The following TNFRSF14 variants were observed in gnomAD, a reference collection of about 807,000 sequenced individuals.
TNFRSF14 encodes TNF receptor superfamily member 14.
A neutral mutation model predicts 34.1 loss-of-function variants in TNFRSF14; 18 were observed. The observed-to-expected ratio is 0.53, with a 90% CI of 0.36 to 0.78. The LOEUF (loss-of-function observed/expected upper bound fraction) is 0.78. Among genes scored for constraint, TNFRSF14 ranks in the 30% least tolerant of loss-of-function variants. The pLI is 0.00. For missense variants in TNFRSF14, 352 were observed against 379.5 expected (o/e 0.93, Z 0.60); for synonymous variants, 157 against 153.2 (o/e 1.02, Z -0.18).
chr1:2,561,354 C>A lies in TNFRSF14; in HGVS notation c.552-319C>A. 1 of 763,154 alleles carries A rather than the reference C, an allele frequency of 1.3e-6. No individual in the cohort carries two copies. The highest frequency in any genetic ancestry group is 2.1e-6 in the Non-Finnish European group (1 of 478,578). 47.3% of individuals were successfully genotyped at this position (763,154 alleles called of 1,614,324 possible). ...CCCTCTACCTTCTGTCCTTGTCTGC[C>A]ACTGGTCTCCCGTGCTCTGGGGTCT... On this transcript the variant is annotated intron_variant, in intron 5 of 7. Coordinates refer to ENST00000355716, the MANE Select transcript of TNFRSF14 (RefSeq NM_003820.4). This position sits in a 1 kb window ranked among gnomAD's most constrained non-coding sequence, Gnocchi z 6.0.
intron 4 of TNFRSF14, 58 bp from the exon 5 acceptor site, chr1:2,560,566 G>A (rs545324789): frequency 9.4e-6 from 13 of 1,378,918 alleles, no homozygotes; most frequent in East Asian, 2.3e-5. Flanking sequence ...GTCCCTAGCC[G>A]CCAGCCCCCT....
At position 2,561,352 on chromosome 1, in the gene TNFRSF14, G is replaced by A; in HGVS notation, c.552-321G>A. ...CTCCCTCTACCTTCTGTCCTTGTCT[G>A]CCACTGGTCTCCCGTGCTCTGGGGT... On this transcript the variant is annotated intron_variant, in intron 5 of 7. Transcript: ENST00000355716. The surrounding 1 kb of genome is among the most constrained non-coding windows in gnomAD (Gnocchi z 6.0). 1 of 750,416 alleles carries A rather than the reference G, an allele frequency of 1.3e-6. No homozygotes were observed. Among genetic ancestry groups the A allele is most frequent in the South Asian group, 2.0e-5 (1 of 49,742 alleles). The allele number at this position is 750,416 out of a possible 1,614,324, so 46.5% of individuals were successfully genotyped here. A position where few individuals can be genotyped will look rare whatever the true frequency, so the allele number is the denominator to read the frequency against.
In TNFRSF14 at chr1:2,558,402, C is replaced by G. The variant is rs1557476162; in HGVS notation, c.238C>G (p.Pro80Ala). 1 of 1,613,408 alleles carries G rather than the reference C, an allele frequency of 6.2e-7. No homozygotes were observed. The highest frequency in any genetic ancestry group is 8.5e-7 in the Non-Finnish European group (1 of 1,179,796). ...LTGTVCEPCP[P>A]GTYIAHLNGL... Reference sequence around the variant, plus strand: ...GGGCACAGTGTGTGAACCCTGCCCTCCAGGCACCTACATTGCCCACCTCAA... The same window carrying G: ...GGGCACAGTGTGTGAACCCTGCCCTGCAGGCACCTACATTGCCCACCTCAA... Residue 80 changes from proline to alanine, a missense_variant, in exon 3 of 8, where the codon CCA becomes GCA. Coordinates refer to ENST00000355716, the MANE Select transcript of TNFRSF14 (RefSeq NM_003820.4).
intron 4 of TNFRSF14, 53 bp from the exon 5 acceptor site, chr1:2,560,571 C>G: frequency 7.1e-7 from 1 of 1,418,164 alleles, no homozygotes. Flanking sequence ...TAGCCGCCAG[C>G]CCCCTCCTGG....
intron 5 of TNFRSF14, chr1:2,560,926 GATCTGAGCTTCCTGGA>G: frequency 1.8e-6 from 1 of 552,786 alleles, no homozygotes; most frequent in Non-Finnish European, 3.2e-6. Context: ...AGCCTCATCA[GATCTGAGCTTCCTGGA>G]GGCTCAGGAT....
intron 5 of TNFRSF14, 49 bp downstream of exon 5, chr1:2,560,763 C>T (rs199899529): frequency 1.6e-4 from 255 of 1,557,392 alleles, no homozygotes; most frequent in Middle Eastern, 1.3e-3. Context: ...GGAGGGGGCT[C>T]CACGTTGCTT....
chr1:2,556,721 C>T lies in TNFRSF14; in HGVS notation c.57C>T (p.Asp19=), dbSNP rs562870154. The T allele has an allele frequency of 4.1e-5, 65 of 1,602,248 alleles. No individual in the cohort carries two copies. The highest frequency in any genetic ancestry group is 5.4e-5 in the African/African-American group (4 of 74,578). ...CCTGGAGATCCACCCCCAAAACCGA[C>T]GTCTTGAGGCTGGTGAGCCCCCGAG... is the stretch of plus-strand genomic sequence containing the variant. ...PPPWRSTPKT[D]VLRLVLYLTF... The change falls in exon 1 of 8, where the codon GAC becomes GAT. Residue 19 remains aspartate, a synonymous_variant. Transcript: ENST00000355716.
upstream of TNFRSF14, chr1:2,555,952 C>A (rs544916719): frequency 4.3e-4 from 84 of 196,004 alleles, no homozygotes; most frequent in Non-Finnish European, 8.1e-4. The surrounding 1 kb of genome is among the most constrained non-coding windows in gnomAD (Gnocchi z 6.3). Context: ...GGAGACCGGG[C>A]GAGGCTGGCA....
upstream of TNFRSF14, chr1:2,556,191 C>A: frequency 2.4e-6 from 1 of 420,050 alleles, no homozygotes; most frequent in Non-Finnish European, 4.6e-6. Flanking sequence ...ACCCACAGGG[C>A]CCCTTTATTC....
At chr1:2,558,982 T>G (rs1225558438) in intron 3 of TNFRSF14, 1 of 1,366,076 alleles carries the variant, frequency 7.3e-7, no homozygotes, top group Non-Finnish European at 9.7e-7. Context: ...AGAGGTGGCC[T>G]TTGAGTCACT....
intron 7 of TNFRSF14, 80 bp from the exon 8 acceptor site, chr1:2,563,068 A>G: frequency 6.3e-7 from 1 of 1,599,090 alleles, no homozygotes; most frequent in Non-Finnish European, 8.5e-7. Context: ...CTCAAACTGA[A>G]AGCAGTAAAA....
upstream of TNFRSF14, chr1:2,555,760 G>T (rs960982906): frequency 6.5e-6 from 1 of 153,084 alleles, no homozygotes; most frequent in East Asian, 1.9e-4. The surrounding 1 kb of genome is among the most constrained non-coding windows in gnomAD (Gnocchi z 6.3). Context: ...GGGTCACGAG[G>T]TTCCATGTGA....
chr1:2,559,854 C>G lies in TNFRSF14; in HGVS notation c.336C>G (p.Ser112=), dbSNP rs759896022. Residue 112 remains serine, a synonymous_variant, in exon 4 of 8, where the codon TCC becomes TCG. Transcript: ENST00000355716. ...AMGLRASRNC[S]RTENAVCGCS... is the part of the protein sequence containing the mutation. ...GCCTGCGCGCGAGCCGGAACTGCTCCAGGACAGAGAACGCCGTGTGTGGCT... is the reference window on the plus strand; with the variant it reads ...GCCTGCGCGCGAGCCGGAACTGCTCGAGGACAGAGAACGCCGTGTGTGGCT... 1 of 1,608,474 alleles carries G rather than the reference C, an allele frequency of 6.2e-7. No homozygotes were observed. Among genetic ancestry groups the G allele is most frequent in the Non-Finnish European group, 8.5e-7 (1 of 1,178,076 alleles).
chr1:2,562,548 C>T, intron 6 of TNFRSF14: 1 of 530,208 alleles, frequency 1.9e-6, no homozygotes, highest in South Asian at 2.1e-5. Flanking sequence ...AGGGCCTCTC[C>T]ACTGTGAAGC....
chr1:2,559,869 C>T lies in TNFRSF14; in HGVS notation c.351C>T (p.Ala117=), dbSNP rs145255405. The part of the protein sequence containing the change: ...ASRNCSRTEN[A]VCGCSPGHFC... ...GGAACTGCTCCAGGACAGAGAACGC[C>T]GTGTGTGGCTGCAGCCCAGGCCACT... is the stretch of plus-strand genomic sequence containing the variant. The change falls in exon 4 of 8, where the codon GCC becomes GCT. Residue 117 remains alanine (A), a synonymous_variant. Coordinates refer to ENST00000355716, the MANE Select transcript of TNFRSF14 (RefSeq NM_003820.4). The T allele has an allele frequency of 9.8e-5, 157 of 1,606,438 alleles. No individual in the cohort carries two copies. The highest frequency in any genetic ancestry group is 1.9e-4 in the Admixed American group (11 of 59,264).
At position 2,561,465 on chromosome 1, in the gene TNFRSF14, C is replaced by T. The variant is rs1644307045; in HGVS notation, c.552-208C>T. On this transcript the variant is annotated intron_variant, in intron 5 of 7. Transcript: ENST00000355716. The surrounding 1 kb of genome is among the most constrained non-coding windows in gnomAD (Gnocchi z 6.0). Reference sequence around the variant, plus strand: ...CCCAGTCTCTCCTTGTTTCTCTTCTCCTCCTTCCTTCTCTCCACCTCCCCA... The same window carrying T: ...CCCAGTCTCTCCTTGTTTCTCTTCTTCTCCTTCCTTCTCTCCACCTCCCCA... 1 of 1,493,746 alleles carries T rather than the reference C, an allele frequency of 6.7e-7. No individual in the cohort carries two copies. Among genetic ancestry groups the T allele is most frequent in the Non-Finnish European group, 9.0e-7 (1 of 1,117,006 alleles). The allele number at this position is 1,493,746 out of a possible 1,614,324, so 92.5% of individuals were successfully genotyped here. A position where few individuals can be genotyped will look rare whatever the true frequency, so the allele number is the denominator to read the frequency against.
Position 2,556,474 on chromosome 1 carries a change from T to G in TNFRSF14, c.-191T>G. On this transcript the variant is annotated 5_prime_UTR_variant, in exon 1 of 8. Transcript: ENST00000355716. ...CACCCAGCAGGCCTGAGCCCCTCTC[T>G]GCTGCCAGACACCCCCTGCTGCCCA... is the stretch of plus-strand genomic sequence containing the variant. 2.8e-6 allele frequency: 2 copies of G among 714,814 alleles called. No homozygotes were observed. The allele number at this position is 714,814 out of a possible 1,614,324, so 44.3% of individuals were successfully genotyped here.
In TNFRSF14 at chr1:2,560,460, C is replaced by T. The variant is rs11573985; in HGVS notation, c.461-164C>T. On this transcript the variant is annotated intron_variant, in intron 4 of 7. Transcript: ENST00000355716. ...GGACAGCCAGAGCCACCACCCCAGG[C>T]CCCACCTCCAAGACTCTGGACAGGG... The T allele has an allele frequency of 2.9e-3, 1,749 of 599,556 alleles. 15 individuals carry two copies. Among genetic ancestry groups the T allele is most frequent in the African/African-American group, 0.029 (1,545 of 53,830 alleles). 37.1% of individuals were successfully genotyped at this position (599,556 alleles called of 1,614,324 possible).
Position 2,561,473 on chromosome 1 carries a change from C to T in TNFRSF14, c.552-200C>T, listed in dbSNP as rs1644307191. The T allele has an allele frequency of 1.3e-6, 2 of 1,501,886 alleles. No homozygotes were observed. Among genetic ancestry groups the T allele is most frequent in the South Asian group, 2.5e-5 (2 of 78,620 alleles). The allele number at this position is 1,501,886 out of a possible 1,614,324, so 93.0% of individuals were successfully genotyped here. A position where few individuals can be genotyped will look rare whatever the true frequency, so the allele number is the denominator to read the frequency against. On this transcript the variant is annotated intron_variant, in intron 5 of 7. Transcript: ENST00000355716. The surrounding 1 kb of genome is among the most constrained non-coding windows in gnomAD (Gnocchi z 6.0). ...CTCCTTGTTTCTCTTCTCCTCCTTC[C>T]TTCTCTCCACCTCCCCATAGCCGAG...
Sources: gnomAD v4.1 joint callset for allele counts on GRCh38, gnomAD v4.1.1 for gene constraint, Gnocchi (gnomAD v3.1) non-coding constraint, MANE v1.5 for transcripts, NCBI Gene and HGNC (gene_info 2026-07-23, HGNC 2026-07-21) for gene names.